SMAD2: variants seen among roughly 807,000 people sequenced by gnomAD.
SMAD2 encodes the protein SMAD family member 2.
SMAD2 carries 8 observed loss-of-function variants against 64.4 expected under a neutral mutation model. The observed-to-expected ratio is 0.12, with a 90% CI of 0.07 to 0.22. The LOEUF is 0.22. Among genes scored for constraint, SMAD2 ranks in the 10% least tolerant of loss-of-function variants. The pLI is 1.00. For synonymous variants in SMAD2, 203 were observed against 195.8 expected (o/e 1.04, Z -0.31); for missense variants, 289 against 561.2 (o/e 0.51, Z 4.90).
At chr18:47,860,167 C>A (rs2031063426) in intron 6 of SMAD2, among the ~76,000 whole-genome samples, 1 of 152,054 alleles carries the variant, frequency 6.6e-6, no homozygotes, top group Admixed American at 6.5e-5. Context: ...ATGAAATGAA[C>A]ACATTTCTAA....
intron 6 of SMAD2, among the ~76,000 whole-genome samples, chr18:47,854,088 TAA>T (rs35189746): frequency 0.05 from 7,352 of 146,248 alleles, 592 homozygotes; most frequent in African/African-American, 0.17. Flanking sequence ...TAGAAGCCTT[TAA>T]AAAAAAAAAA....
At position 47,809,862 on chromosome 18, in the gene SMAD2, T is replaced by C. The variant is rs1395155698; in HGVS notation, c.*31965A>G. On this transcript the variant is annotated 3_prime_UTR_variant, in exon 11 of 11. Coordinates refer to ENST00000262160, the MANE Select transcript of SMAD2 (RefSeq NM_005901.6). The stretch of plus-strand genomic sequence containing the variant: ...GAACTACTCATTTCCTTTTGCCTCA[T>C]GGCCTGAGACATACTTGGATACAGA... 6.6e-6 allele frequency: 1 copy of C among 152,220 alleles called. No homozygotes were observed. The highest frequency in any genetic ancestry group is 1.5e-5 in the Non-Finnish European group (1 of 68,040). The allele number at this position is 152,220 out of a possible 1,614,324, so 9.4% of individuals were successfully genotyped here. A position where few individuals can be genotyped will look rare whatever the true frequency, so the allele number is the denominator to read the frequency against.
In SMAD2 at chr18:47,930,540, C is replaced by G. The variant is rs1054554737; in HGVS notation, c.-233G>C. On this transcript the variant is annotated 5_prime_UTR_variant, in exon 1 of 11. Coordinates refer to ENST00000262160, the MANE Select transcript of SMAD2 (RefSeq NM_005901.6). ...GCCCCGCCCCCAGGCCCGGGCCCGG[C>G]CGGCGGCCCGGGCGCGCGGGAGGGT... 11 of 149,458 alleles carry G rather than the reference C, an allele frequency of 7.4e-5. No individual in the cohort carries two copies. Among genetic ancestry groups the G allele is most frequent in the African/African-American group, 2.7e-4 (11 of 40,516 alleles). 9.3% of individuals were successfully genotyped at this position (149,458 alleles called of 1,614,324 possible).
intron 10 of SMAD2, 109 bp from the exon 11 acceptor site, chr18:47,842,059 T>C: frequency 3.2e-6 from 4 of 1,267,158 alleles, no homozygotes; most frequent in Non-Finnish European, 4.5e-6. Context: ...TAAAAGGTTG[T>C]GTATATAATT....
intron 2 of SMAD2, among the ~76,000 whole-genome samples, chr18:47,876,915 T>C (rs2032296883): frequency 6.6e-6 from 1 of 152,126 alleles, no homozygotes; most frequent in Non-Finnish European, 1.5e-5. Context: ...GATATAGATA[T>C]TTATTCACAT....
Position 47,829,779 on chromosome 18 carries a change from A to C in SMAD2, c.*12048T>G, listed in dbSNP as rs940316838. The C allele has an allele frequency of 6.6e-6, 1 of 152,232 alleles. No individual in the cohort carries two copies. The highest frequency in any genetic ancestry group is 2.4e-5 in the African/African-American group (1 of 41,468). 9.4% of individuals were successfully genotyped at this position (152,232 alleles called of 1,614,324 possible). The stretch of plus-strand genomic sequence containing the variant: ...TTTAGTTTACCAAATGTAGCTTTTT[A>C]TGTTTTATGTTTTACCAACAAATAA... On this transcript the variant is annotated 3_prime_UTR_variant, in exon 11 of 11. Transcript: ENST00000262160.
chr18:47,856,903 G>GCCGGA (rs1317207414), intron 6 of SMAD2, among the ~76,000 whole-genome samples: 2 of 145,108 alleles, frequency 1.4e-5, no homozygotes, highest in Non-Finnish European at 3.0e-5. Flanking sequence ...TGTCGCCCAG[G>GCCGGA]CTGGAGTGCA....
intron 2 of SMAD2, among the ~76,000 whole-genome samples, chr18:47,892,798 A>G (rs1408639679): frequency 6.6e-6 from 1 of 152,208 alleles, no homozygotes; most frequent in Non-Finnish European, 1.5e-5. Context: ...GGGATGAAAG[A>G]TCAAAAATGT....
At chr18:47,865,181 T>A in intron 5 of SMAD2, 48 bp from the exon 6 acceptor site, 2 of 974,318 alleles carry the variant, frequency 2.1e-6, no homozygotes, top group Non-Finnish European at 3.3e-6. Context: ...ATAATCTCAC[T>A]ACCTTTTCTC....
chr18:47,855,966 G>A lies in SMAD2; in HGVS notation c.731-4639C>T, dbSNP rs559401423. 5.9e-5 allele frequency among the ~76,000 whole-genome samples: 9 copies of A among 152,228 alleles called. No individual in the cohort carries two copies. In the South Asian group the frequency reaches 1.9e-3, roughly 32 times the overall value. On this transcript the variant is annotated intron_variant, in intron 6 of 10. Coordinates refer to ENST00000262160, the MANE Select transcript of SMAD2 (RefSeq NM_005901.6). ...AGCAAAGATACAGAAGACAACCCAA[G>A]TGTCCCATCAACAGATGAATAAATA...
intron 8 of SMAD2, among the ~76,000 whole-genome samples, chr18:47,846,889 T>C (rs1207401660): frequency 6.6e-6 from 1 of 152,094 alleles, no homozygotes; most frequent in South Asian, 2.1e-4. Context: ...AGAAAACTAA[T>C]CAAACAACTA....
chr18:47,857,872 A>G (rs371956134), intron 6 of SMAD2, among the ~76,000 whole-genome samples: 1 of 152,336 alleles, frequency 6.6e-6, no homozygotes, highest in African/African-American at 2.4e-5. Flanking sequence ...GCAAGGCTGG[A>G]AAGAAATAAG....
intron 6 of SMAD2, among the ~76,000 whole-genome samples, chr18:47,863,696 T>C (rs1258696809): frequency 6.6e-6 from 1 of 152,208 alleles, no homozygotes; most frequent in East Asian, 1.9e-4. Flanking sequence ...CCATTCATCA[T>C]TTGATGGACA....
rs1912772968 is a variant in SMAD2 at position 47,826,835 on chromosome 18, T to C, written c.*14992A>G. The C allele has an allele frequency of 6.6e-6, 1 of 152,236 alleles. No individual in the cohort carries two copies. Among genetic ancestry groups the C allele is most frequent in the African/African-American group, 2.4e-5 (1 of 41,468 alleles). The allele number at this position is 152,236 out of a possible 1,614,324, so 9.4% of individuals were successfully genotyped here. On this transcript the variant is annotated 3_prime_UTR_variant, in exon 11 of 11. Coordinates refer to ENST00000262160, the MANE Select transcript of SMAD2 (RefSeq NM_005901.6). Reference sequence around the variant, plus strand: ...GTAACCTTTGCCTGGTATTCTAGACTGTGCAGATTTAGCCATCTAATACTG... The same window carrying C: ...GTAACCTTTGCCTGGTATTCTAGACCGTGCAGATTTAGCCATCTAATACTG...
chr18:47,874,451 C>A (rs2032141478), intron 2 of SMAD2, among the ~76,000 whole-genome samples: 1 of 152,126 alleles, frequency 6.6e-6, no homozygotes, highest in African/African-American at 2.4e-5. Context: ...ATTGAAATTT[C>A]TTTATCTTAA....
chr18:47,908,559 C>G (rs1177494874), intron 1 of SMAD2, among the ~76,000 whole-genome samples: 1 of 152,140 alleles, frequency 6.6e-6, no homozygotes, highest in Non-Finnish European at 1.5e-5. Flanking sequence ...CAAAAATCTA[C>G]TATAAAAAGT....
At chr18:47,880,229 CATAA>C (rs1237237342) in intron 2 of SMAD2, among the ~76,000 whole-genome samples, 2 of 152,178 alleles carry the variant, frequency 1.3e-5, no homozygotes, top group African/African-American at 4.8e-5. Context: ...ACCCCCAAGT[CATAA>C]ATATTCTCCT....
At position 47,834,806 on chromosome 18, in the gene SMAD2, A is replaced by C. The variant is rs1275300416; in HGVS notation, c.*7021T>G. ...TTTACTGTATTCTCTTTTTGCAATT[A>C]ATCCAGTTTTGTATGTCTTTTCTTT... On this transcript the variant is annotated 3_prime_UTR_variant, in exon 11 of 11. Transcript: ENST00000262160. The C allele has an allele frequency of 4.6e-6, 1 of 219,268 alleles. No homozygotes were observed. The allele number at this position is 219,268 out of a possible 1,614,324, so 13.6% of individuals were successfully genotyped here.
chr18:47,855,909 TTGCTTTTACTCTTGC>T (rs1487787949), intron 6 of SMAD2, among the ~76,000 whole-genome samples: 12 of 152,198 alleles, frequency 7.9e-5, no homozygotes, highest in Admixed American at 6.5e-5. Flanking sequence ...ATGTGGCACG[TTGCTTTTACTCTTGC>T]TGCTTTTATT....
Sources: gnomAD v4.1 joint callset for allele counts (sites outside exome capture counted in the v4.1 genomes callset) on GRCh38, gnomAD v4.1.1 for gene constraint, MANE v1.5 for transcripts, NCBI Gene and HGNC (gene_info 2026-07-23, HGNC 2026-07-21) for gene names.